The following CDH13 variants were observed in gnomAD, a reference collection of about 807,000 sequenced individuals.
The protein encoded by CDH13 is cadherin 13.
CDH13 carries 24 observed loss-of-function variants against 63.8 expected under a neutral mutation model. The observed-to-expected ratio is 0.38, with a 90% CI of 0.27 to 0.53. The LOEUF (loss-of-function observed/expected upper bound fraction) is 0.53. Ranked by LOEUF, CDH13 falls within the 20% of genes least tolerant of loss-of-function variation. The pLI is 0.85. For synonymous variants in CDH13, 503 were observed against 355.3 expected (o/e 1.42, Z -4.67); for missense variants, 1,049 against 903.1 (o/e 1.16, Z -2.07).
chr16:83,447,037 C>T (rs908204283), intron 6 of CDH13, among the ~76,000 whole-genome samples: 1 of 126,502 alleles, frequency 7.9e-6, no homozygotes, highest in African/African-American at 2.9e-5. Context: ...TTACCACCAC[C>T]ACTGGTCACC....
chr16:83,004,761 G>A (rs1167230991), intron 2 of CDH13, among the ~76,000 whole-genome samples: 1 of 152,162 alleles, frequency 6.6e-6, no homozygotes. Flanking sequence ...CCAAAGGGCT[G>A]GGATTACAGG....
chr16:83,650,873 G>C (rs1912307927), intron 8 of CDH13, among the ~76,000 whole-genome samples: 1 of 152,000 alleles, frequency 6.6e-6, no homozygotes, highest in African/African-American at 2.4e-5. Flanking sequence ...AGGAGTTCAA[G>C]ACCAGCCTGG....
intron 11 of CDH13, among the ~76,000 whole-genome samples, chr16:83,755,740 AC>A (rs1361325438): frequency 1.5e-5 from 2 of 134,156 alleles, no homozygotes; most frequent in African/African-American, 2.6e-5. Flanking sequence ...TGAATTAAAG[AC>A]TTTTGGGGCA....
At chr16:83,576,436 A>G (rs139671174) in intron 7 of CDH13, among the ~76,000 whole-genome samples, 2 of 152,240 alleles carry the variant, frequency 1.3e-5, no homozygotes, top group East Asian at 3.9e-4. Flanking sequence ...CACTGTTTCT[A>G]CCTTCTGGCT....
chr16:82,635,467 G>C (rs1399248522), intron 1 of CDH13, among the ~76,000 whole-genome samples: 4 of 152,208 alleles, frequency 2.6e-5, no homozygotes, highest in Non-Finnish European at 5.9e-5. Context: ...TGGCTGGGAG[G>C]TGCCAGAGCC....
chr16:83,499,070 A>C (rs1040060541), intron 7 of CDH13, among the ~76,000 whole-genome samples: 2 of 152,232 alleles, frequency 1.3e-5, no homozygotes, highest in Non-Finnish European at 2.9e-5. Flanking sequence ...TACGTGTGCA[A>C]AGATCCAGCA....
At chr16:82,778,840 G>A (rs982195832) in intron 1 of CDH13, among the ~76,000 whole-genome samples, 1 of 152,060 alleles carries the variant, frequency 6.6e-6, no homozygotes, top group Non-Finnish European at 1.5e-5. Flanking sequence ...ATTCCATGGT[G>A]GATTTAAAAT....
chr16:82,650,665 C>T (rs1211009502), intron 1 of CDH13, among the ~76,000 whole-genome samples: 2 of 152,154 alleles, frequency 1.3e-5, no homozygotes, highest in Non-Finnish European at 2.9e-5. Context: ...CCTCTCTAGC[C>T]TTGGTTTCCA....
At chr16:83,626,770 C>T (rs1161343027) in intron 8 of CDH13, among the ~76,000 whole-genome samples, 1 of 152,078 alleles carries the variant, frequency 6.6e-6, no homozygotes, top group African/African-American at 2.4e-5. Context: ...GACTTTGGGT[C>T]GAGACTGCCG....
chr16:83,659,838 G>A (rs1913278632), intron 8 of CDH13, among the ~76,000 whole-genome samples: 2 of 147,058 alleles, frequency 1.4e-5, no homozygotes, highest in Non-Finnish European at 3.0e-5. Flanking sequence ...CCAGGCTGGA[G>A]TGCAGTGGCA....
At chr16:83,390,162 G>A (rs867781561) in intron 6 of CDH13, among the ~76,000 whole-genome samples, 7 of 151,996 alleles carry the variant, frequency 4.6e-5, no homozygotes, top group African/African-American at 1.4e-4. Flanking sequence ...CCCTGAGTTT[G>A]GAGCTGAGGA....
At chr16:83,725,328 C>G (rs1355372550) in intron 10 of CDH13, 1 of 152,218 alleles carries the variant, frequency 6.6e-6, no homozygotes, top group East Asian at 1.9e-4. Flanking sequence ...TGGATCTAAT[C>G]TATCCTTAGG....
At position 82,883,416 on chromosome 16, in the gene CDH13, T is replaced by C. The variant is rs79975251; in HGVS notation, c.157+24943T>C. Among the ~76,000 whole-genome samples the C allele has an allele frequency of 1.4e-3, 213 of 152,314 alleles. 3 individuals are homozygous for C. The East Asian group carries it at 0.036, about 26-fold the overall frequency. ...AGTCACCTGGGGGAACGTGTGCAAA[T>C]GCAGATTGCCAGGCCCTTTGCCTAG... On this transcript the variant is annotated intron_variant, in intron 2 of 13. Transcript: ENST00000567109.
intron 2 of CDH13, among the ~76,000 whole-genome samples, chr16:83,000,666 G>A (rs1414311053): frequency 1.4e-5 from 2 of 145,848 alleles, no homozygotes; most frequent in Non-Finnish European, 3.0e-5. Flanking sequence ...TGCAAGCTCC[G>A]CCTCCTGGGT....
chr16:82,884,014 G>A (rs76749827), intron 2 of CDH13, among the ~76,000 whole-genome samples: 1 of 151,232 alleles, frequency 6.6e-6, no homozygotes, highest in African/African-American at 2.4e-5. Flanking sequence ...CATCATAGGT[G>A]TTTTTTTTTG....
At chr16:83,006,409 C>T (rs1222824182) in intron 2 of CDH13, among the ~76,000 whole-genome samples, 2 of 152,132 alleles carry the variant, frequency 1.3e-5, no homozygotes, top group East Asian at 1.9e-4. Flanking sequence ...ACTTACTTTC[C>T]CCCAGAATAG....
rs145388977 is a variant in CDH13, at chr16:83,026,069, A to C, written c.158-5941A>C. Reference sequence around the variant, plus strand: ...TGAGTTGGTAAGTGGTATCAAAAATATACAAAGACCCAATTATGCAACTGT... The same window carrying C: ...TGAGTTGGTAAGTGGTATCAAAAATCTACAAAGACCCAATTATGCAACTGT... On this transcript the variant is annotated intron_variant, in intron 2 of 13. Coordinates refer to ENST00000567109, the MANE Select transcript of CDH13 (RefSeq NM_001257.5). 1.3e-3 allele frequency among the ~76,000 whole-genome samples: 198 copies of C among 152,352 alleles called. 1 individual carries two copies. Among genetic ancestry groups the C allele is most frequent in the South Asian group, 0.012 (59 of 4,830 alleles).
chr16:82,935,406 A>T (rs755870907), intron 2 of CDH13, among the ~76,000 whole-genome samples: 9 of 152,206 alleles, frequency 5.9e-5, no homozygotes, highest in Non-Finnish European at 1.2e-4. Context: ...GGGGACATAA[A>T]GCCAGACCGT....
rs568531212 is a variant in CDH13 at position 82,796,980 on chromosome 16, C to G, written c.46-61382C>G. 3.3e-5 allele frequency among the ~76,000 whole-genome samples: 5 copies of G among 152,288 alleles called. No individual in the cohort carries two copies. The South Asian group carries it at 1.0e-3, about 32-fold the overall frequency. On this transcript the variant is annotated intron_variant, in intron 1 of 13. Coordinates refer to ENST00000567109, the MANE Select transcript of CDH13 (RefSeq NM_001257.5). ...ACTGAATGCCCATTGGAGGCAGGAT[C>G]CTATCAACTTTTTCTTCTGCCAAAC...
Sources: gnomAD v4.1 joint callset for allele counts (sites outside exome capture counted in the v4.1 genomes callset) on GRCh38, gnomAD v4.1.1 for gene constraint, MANE v1.5 for transcripts, NCBI Gene and HGNC (gene_info 2026-07-23, HGNC 2026-07-21) for gene names.